C2CD5: variants seen among roughly 807,000 people sequenced by gnomAD.
C2CD5 encodes the protein C2 domain-containing protein 5.
Under a neutral mutation model 130.3 loss-of-function variants are expected in C2CD5, and 109 were observed. The ratio of observed to expected loss-of-function variants is 0.84; its 90% CI spans 0.72 to 0.98. The LOEUF is 0.98. Among genes scored for constraint, C2CD5 ranks in the 50% least tolerant of loss-of-function variants. The pLI, the probability that C2CD5 is intolerant of heterozygous loss-of-function variation, is 0.00. For missense variants in C2CD5, 996 were observed against 1,261.8 expected, an observed-to-expected ratio of 0.79 and a Z score of 3.19; for synonymous variants, 454 against 429.2, an observed-to-expected ratio of 1.06 and a Z score of -0.71.
chr12:22,493,835 T>C (rs974891242), intron 10 of C2CD5, among the ~76,000 whole-genome samples: 8 of 151,894 alleles, frequency 5.3e-5, no homozygotes, highest in African/African-American at 1.9e-4. Context: ...AAGCCATCTG[T>C]AAGCCATCCT....
chr12:22,503,819 G>C (rs1252136551), intron 10 of C2CD5, among the ~76,000 whole-genome samples: 1 of 152,060 alleles, frequency 6.6e-6, no homozygotes, highest in Non-Finnish European at 1.5e-5. Flanking sequence ...GTCAGAATGT[G>C]ATACTTTAAA....
intron 19 of C2CD5, 34 bp downstream of exon 19, chr12:22,471,933 C>A (rs377236503): frequency 9.3e-7 from 1 of 1,072,502 alleles, no homozygotes; most frequent in South Asian, 1.2e-5. Flanking sequence ...TTATTATAGA[C>A]GCATGAAATA....
At chr12:22,502,684 C>T in intron 10 of C2CD5, 1 of 957,904 alleles carries the variant, frequency 1.0e-6, no homozygotes, top group Non-Finnish European at 1.6e-6. Flanking sequence ...AAAAACTTCA[C>T]TGAGCTGCCA....
rs1315396762 is a variant in C2CD5 at position 22,472,070 on chromosome 12, A to C, written c.2170-5T>G. 2 of 1,461,010 alleles carry C rather than the reference A, an allele frequency of 1.4e-6. No individual in the cohort carries two copies. The highest frequency in any genetic ancestry group is 2.4e-5 in the South Asian group (2 of 84,466). 90.5% of individuals were successfully genotyped at this position (1,461,010 alleles called of 1,614,324 possible). ...TACTCTTACTGAAGTGAACATCTAA[A>C]TGTGGGGTGACATAACATGTCATTT... On this transcript the variant is annotated splice_region_variant and splice_polypyrimidine_tract_variant and intron_variant, in intron 18 of 26. Transcript: ENST00000446597.
chr12:22,522,033 T>C (rs1375344301), intron 7 of C2CD5, among the ~76,000 whole-genome samples: 1 of 152,222 alleles, frequency 6.6e-6, no homozygotes. Context: ...GAATCTGTCC[T>C]ACCATCTGTT....
At position 22,502,613 on chromosome 12, in the gene C2CD5, G is replaced by T. The variant is rs1453288294; in HGVS notation, c.1147+4098C>A. ...AATTACAAGAGTTATTACATACGTA[G>T]CACAGAATATTATCTGTATAACTGA... On this transcript the variant is annotated intron_variant, in intron 10 of 26. Coordinates refer to ENST00000446597, the MANE Select transcript of C2CD5 (RefSeq NM_001286176.2). 5.7e-6 allele frequency: 3 copies of T among 525,026 alleles called. No individual in the cohort carries two copies. In the East Asian group the frequency reaches 9.0e-5, roughly 16 times the overall value. 32.5% of individuals were successfully genotyped at this position (525,026 alleles called of 1,614,324 possible).
At chr12:22,527,237 TGA>T (rs553764723) in intron 4 of C2CD5, among the ~76,000 whole-genome samples, 256 of 151,788 alleles carry the variant, frequency 1.7e-3, no homozygotes, top group African/African-American at 5.7e-3. Context: ...CAAATTATGT[TGA>T]GAGAAGCAAC....
chr12:22,518,176 G>A lies in C2CD5; in HGVS notation c.801-39C>T, dbSNP rs976070300. 3.1e-6 allele frequency: 5 copies of A among 1,597,686 alleles called. No homozygotes were observed. In the African/African-American group the frequency reaches 5.4e-5, roughly 17 times the overall value. Reference sequence around the variant, plus strand: ...GTGGAGAAATATTAAGTAATCATGTGCCAAAGGACTTGACAGGTGGCAGCA... The same window carrying A: ...GTGGAGAAATATTAAGTAATCATGTACCAAAGGACTTGACAGGTGGCAGCA... On this transcript the variant is annotated intron_variant, in intron 7 of 26. Transcript: ENST00000446597.
rs199603129 is a variant in C2CD5, at chr12:22,530,111, T to TACACAC, written c.178-2225_178-2220dup. Among the ~76,000 whole-genome samples the TACACAC allele has an allele frequency of 2.2e-3, 189 of 87,540 alleles. 3 individuals carry two copies. The highest frequency in any genetic ancestry group is 0.011 in the African/African-American group (176 of 15,796). 57.4% of individuals were successfully genotyped at this position (87,540 alleles called of 152,430 possible). ...ATATATATATATATATATATATATA[T>TACACAC]ACACACACACACACACACACACACA... On this transcript the variant is annotated intron_variant, in intron 3 of 26. Coordinates refer to ENST00000446597, the MANE Select transcript of C2CD5 (RefSeq NM_001286176.2).
At position 22,538,940 on chromosome 12, in the gene C2CD5, C is replaced by A. The variant is rs140977998; in HGVS notation, c.91-3596G>T. On this transcript the variant is annotated intron_variant, in intron 2 of 26. Transcript: ENST00000446597. ...ATTTATCCCTTTATTATATTGTAAT[C>A]CTTCATTATCCCCCTTTTCCTGCAT... is the stretch of plus-strand genomic sequence containing the variant. Among the ~76,000 whole-genome samples, 411 of 152,016 alleles carry A rather than the reference C, an allele frequency of 2.7e-3. 8 individuals are homozygous for A. The East Asian group carries it at 0.05, about 19-fold the overall frequency.
chr12:22,515,108 G>A lies in C2CD5; in HGVS notation c.953-1729C>T, dbSNP rs192583185. On this transcript the variant is annotated intron_variant, in intron 8 of 26. Transcript: ENST00000446597. ...AAGGGAACCACAAGAGAGAGAGGGG[G>A]AGCTGGGACACAGGTAAATCCTAGG... 2,409 of 984,706 alleles carry A rather than the reference G, an allele frequency of 2.4e-3. 14 individuals carry two copies. The highest frequency in any genetic ancestry group is 2.3e-3 in the Non-Finnish European group (1,892 of 829,394). The allele number at this position is 984,706 out of a possible 1,614,324, so 61.0% of individuals were successfully genotyped here. A position where few individuals can be genotyped will look rare whatever the true frequency, so the allele number is the denominator to read the frequency against.
chr12:22,464,115 C>T (rs1941671712), intron 22 of C2CD5, among the ~76,000 whole-genome samples: 1 of 152,068 alleles, frequency 6.6e-6, no homozygotes, highest in Non-Finnish European at 1.5e-5. Flanking sequence ...AAGGAAACTG[C>T]CATATTACAG....
intron 9 of C2CD5, among the ~76,000 whole-genome samples, chr12:22,508,801 A>G (rs1948861237): frequency 6.6e-6 from 1 of 152,140 alleles, no homozygotes; most frequent in African/African-American, 2.4e-5. Context: ...ATATTTCCTC[A>G]AAATATCTGA....
intron 2 of C2CD5, among the ~76,000 whole-genome samples, chr12:22,538,894 G>C (rs777001084): frequency 6.6e-6 from 1 of 151,968 alleles, no homozygotes. Flanking sequence ...CCTCTTCTAT[G>C]AACTTAAGTC....
At chr12:22,488,105 T>C (rs1945804998) in intron 12 of C2CD5, among the ~76,000 whole-genome samples, 1 of 151,606 alleles carries the variant, frequency 6.6e-6, no homozygotes, top group Non-Finnish European at 1.5e-5. Context: ...AATGACGAGT[T>C]AATGGGTGCA....
In C2CD5 at chr12:22,458,554, G is replaced by A. The variant is rs1940439809; in HGVS notation, c.2616C>T (p.Asp872=). 3.1e-6 allele frequency: 4 copies of A among 1,298,012 alleles called. No individual in the cohort carries two copies. The highest frequency in any genetic ancestry group is 3.9e-6 in the Non-Finnish European group (4 of 1,021,364). 80.4% of individuals were successfully genotyped at this position (1,298,012 alleles called of 1,614,324 possible). Residue 872 remains aspartate, a synonymous_variant, in exon 24 of 27, where the codon GAC becomes GAT. Transcript: ENST00000446597. ...TGAGCTCTATCCAGCTGCTGCATCTGTCTGCAAAGGAACTGTAATCAACTG... is the reference window on the plus strand; with the variant it reads ...TGAGCTCTATCCAGCTGCTGCATCTATCTGCAAAGGAACTGTAATCAACTG... ...ATSVDYSSFA[D]RCSSWIELIK... is the part of the protein sequence containing the mutation.
At chr12:22,541,144 C>T (rs902967257) in intron 2 of C2CD5, among the ~76,000 whole-genome samples, 3 of 152,098 alleles carry the variant, frequency 2.0e-5, no homozygotes, top group Non-Finnish European at 4.4e-5. Flanking sequence ...CATCACAAAC[C>T]TAACATGCTC....
chr12:22,474,788 T>G lies in C2CD5; in HGVS notation c.2006A>C (p.Asp669Ala). The G allele has an allele frequency of 6.2e-7, 1 of 1,611,266 alleles. No individual in the cohort carries two copies. Among genetic ancestry groups the G allele is most frequent in the Non-Finnish European group, 8.5e-7 (1 of 1,178,452 alleles). Residue 669 changes from aspartate to alanine, a missense_variant, in exon 16 of 27, where the codon GAC becomes GCC. Asp to Ala is a moderately radical substitution (Grantham distance 126). Coordinates refer to ENST00000446597, the MANE Select transcript of C2CD5 (RefSeq NM_001286176.2). ...SESSDEVTEL[D>A]LSHGKKDAFV... The stretch of plus-strand genomic sequence containing the variant: ...AGCATCTTTTTTCCCATGTGAAAGG[T>G]CTAATTCTGTAACTTCATCCGAGCT...
chr12:22,449,745 T>C lies in C2CD5; in HGVS notation c.*15A>G, dbSNP rs1304904588. ...ATGAATTTCATTTAGTTGAGCTCTTTTTTCCTAATTTTCCTCAGGTTGTAA... is the reference window on the plus strand; with the variant it reads ...ATGAATTTCATTTAGTTGAGCTCTTCTTTCCTAATTTTCCTCAGGTTGTAA... On this transcript the variant is annotated 3_prime_UTR_variant, in exon 27 of 27. Coordinates refer to ENST00000446597, the MANE Select transcript of C2CD5 (RefSeq NM_001286176.2). 6.4e-7 allele frequency: 1 copy of C among 1,564,244 alleles called. No individual in the cohort carries two copies. Among genetic ancestry groups the C allele is most frequent in the Admixed American group, 1.7e-5 (1 of 59,106 alleles).
Sources: allele counts gnomAD v4.1 joint callset (sites outside exome capture counted in the v4.1 genomes callset), GRCh38; gene constraint gnomAD v4.1.1; transcripts MANE v1.5; gene names NCBI Gene and HGNC (gene_info 2026-07-23, HGNC 2026-07-21).